RFX3: variants seen among roughly 807,000 people sequenced by gnomAD.
RFX3 encodes the protein transcription factor RFX3.
In RFX3, 14 loss-of-function variants were observed where a neutral mutation model predicts 98.6. The ratio of observed to expected loss-of-function variants is 0.14; its 90% CI spans 0.09 to 0.22. The LOEUF (loss-of-function observed/expected upper bound fraction) is 0.22. Among genes scored for constraint, RFX3 ranks in the 10% least tolerant of loss-of-function variants. The pLI, the probability that RFX3 is intolerant of heterozygous loss-of-function variation, is 1.00. For missense variants in RFX3, 639 were observed against 926.9 expected, an observed-to-expected ratio of 0.69 and a Z score of 4.03; for synonymous variants, 383 against 328.4, an observed-to-expected ratio of 1.17 and a Z score of -1.80.
intron 1 of RFX3, among the ~76,000 whole-genome samples, chr9:3,409,462 A>G (rs1435126174): frequency 6.6e-6 from 1 of 152,224 alleles, no homozygotes; most frequent in Non-Finnish European, 1.5e-5. Context: ...TGCAATGGAA[A>G]AATTAAAATC....
intron 1 of RFX3, among the ~76,000 whole-genome samples, chr9:3,520,903 C>A (rs534492660): frequency 2.0e-5 from 3 of 152,244 alleles, no homozygotes; most frequent in Admixed American, 6.5e-5. Flanking sequence ...TGCTCTTGAA[C>A]TCATAGCCTC....
At chr9:3,250,391 G>A (rs985932741) in intron 14 of RFX3, among the ~76,000 whole-genome samples, 1 of 151,868 alleles carries the variant, frequency 6.6e-6, no homozygotes, top group East Asian at 1.9e-4. Context: ...ATTTTACTTG[G>A]AATTAAAGAA....
chr9:3,504,173 T>C (rs1348179749), intron 1 of RFX3, among the ~76,000 whole-genome samples: 3 of 98,162 alleles, frequency 3.1e-5, no homozygotes, highest in African/African-American at 6.2e-5. Flanking sequence ...ATATATATTA[T>C]ATATTATACA....
chr9:3,454,403 C>A (rs559874006), intron 1 of RFX3, among the ~76,000 whole-genome samples: 2 of 152,232 alleles, frequency 1.3e-5, no homozygotes, highest in African/African-American at 4.8e-5. Context: ...CTTTCTAATT[C>A]TTTGCTTTAG....
chr9:3,376,686 T>C (rs994697515), intron 2 of RFX3, among the ~76,000 whole-genome samples: 66 of 152,096 alleles, frequency 4.3e-4, no homozygotes, highest in African/African-American at 1.5e-3. Flanking sequence ...ATTTTTGCAA[T>C]CTACTCATCT....
intron 7 of RFX3, among the ~76,000 whole-genome samples, chr9:3,281,661 A>G (rs1465349621): frequency 2.0e-5 from 3 of 151,816 alleles, no homozygotes; most frequent in African/African-American, 7.2e-5. Context: ...ATTAAGAAAT[A>G]AAAGAAACTC....
intron 1 of RFX3, among the ~76,000 whole-genome samples, chr9:3,450,376 T>C (rs1846471778): frequency 6.6e-6 from 1 of 151,406 alleles, no homozygotes; most frequent in Non-Finnish European, 1.5e-5. Context: ...GGTCATGTTT[T>C]TCTCTCTTTT....
At chr9:3,457,402 G>A (rs763121768) in intron 1 of RFX3, among the ~76,000 whole-genome samples, 7 of 152,020 alleles carry the variant, frequency 4.6e-5, no homozygotes, top group Non-Finnish European at 1.0e-4. Context: ...TCTCATCATT[G>A]CTTTGCCTTT....
chr9:3,408,614 A>T (rs35412791), intron 1 of RFX3, among the ~76,000 whole-genome samples: 18,819 of 144,836 alleles, frequency 0.13, 1,471 homozygotes, highest in African/African-American at 0.26. Flanking sequence ...TCTCTCTCTC[A>T]CACACACACA....
chr9:3,430,634 C>G (rs1342043626), intron 1 of RFX3, among the ~76,000 whole-genome samples: 1 of 152,082 alleles, frequency 6.6e-6, no homozygotes, highest in Non-Finnish European at 1.5e-5. Flanking sequence ...ATCACAAAAT[C>G]TGATTCATTC....
At chr9:3,428,567 AT>A (rs1301489047) in intron 1 of RFX3, among the ~76,000 whole-genome samples, 9 of 152,276 alleles carry the variant, frequency 5.9e-5, no homozygotes, top group Admixed American at 1.3e-4. Flanking sequence ...TACTTTGCTT[AT>A]TTTTATTCAA....
intron 2 of RFX3, among the ~76,000 whole-genome samples, chr9:3,393,967 T>G (rs2131902322): frequency 6.6e-6 from 1 of 152,228 alleles, no homozygotes; most frequent in East Asian, 1.9e-4. Flanking sequence ...ATATGTATGC[T>G]CTGGATCTAC....
At chr9:3,487,646 G>A (rs770614461) in intron 1 of RFX3, among the ~76,000 whole-genome samples, 1 of 152,042 alleles carries the variant, frequency 6.6e-6, no homozygotes, top group African/African-American at 2.4e-5. Context: ...CTTCCACCTA[G>A]AAAAGCAATA....
chr9:3,331,513 C>T (rs1020970139), intron 3 of RFX3, among the ~76,000 whole-genome samples: 3 of 152,024 alleles, frequency 2.0e-5, no homozygotes, highest in African/African-American at 7.2e-5. Context: ...TCTTCAACGC[C>T]ACCTCCTAAA....
At chr9:3,384,354 G>A (rs983445368) in intron 2 of RFX3, among the ~76,000 whole-genome samples, 3 of 152,200 alleles carry the variant, frequency 2.0e-5, no homozygotes, top group Non-Finnish European at 1.5e-5. Flanking sequence ...TGAAAGCAAT[G>A]TAACATCAAG....
At chr9:3,302,994 TA>T (rs1447979721) in intron 4 of RFX3, among the ~76,000 whole-genome samples, 6 of 151,808 alleles carry the variant, frequency 4.0e-5, no homozygotes, top group African/African-American at 1.4e-4. Flanking sequence ...TTAAAATAGA[TA>T]TTAAATTAAT....
intron 7 of RFX3, among the ~76,000 whole-genome samples, chr9:3,278,571 C>T (rs1204999506): frequency 6.6e-6 from 1 of 151,644 alleles, no homozygotes; most frequent in African/African-American, 2.4e-5. Context: ...TAACAATGAC[C>T]CTAATATGTG....
intron 4 of RFX3, among the ~76,000 whole-genome samples, chr9:3,322,130 T>C (rs528803579): frequency 6.6e-6 from 1 of 152,278 alleles, no homozygotes; most frequent in South Asian, 2.1e-4. Context: ...TTTATTTACA[T>C]GAACAGCCTT....
intron 1 of RFX3, among the ~76,000 whole-genome samples, chr9:3,471,078 G>A (rs1848734044): frequency 6.6e-6 from 1 of 152,118 alleles, no homozygotes; most frequent in Non-Finnish European, 1.5e-5. Context: ...ACAGATGAGA[G>A]TACTGAAATT....
Sources: allele counts gnomAD v4.1 joint callset (sites outside exome capture counted in the v4.1 genomes callset), GRCh38; gene constraint gnomAD v4.1.1; transcripts MANE v1.5; gene names NCBI Gene and HGNC (gene_info 2026-07-23, HGNC 2026-07-21).